The following ABCD3 variants were observed in gnomAD, a reference collection of about 807,000 sequenced individuals.
ABCD3 encodes the protein ATP-binding cassette sub-family D member 3.
In ABCD3, 41 loss-of-function variants were observed where a neutral mutation model predicts 105.5. The ratio of observed to expected loss-of-function variants is 0.39; its 90% CI spans 0.30 to 0.50. ABCD3 has a LOEUF of 0.50. Ranked by LOEUF, ABCD3 falls within the 20% of genes least tolerant of loss-of-function variation. The pLI is 0.84. For synonymous variants in ABCD3, 258 were observed against 269.0 expected (o/e 0.96, Z 0.40); for missense variants, 622 against 806.3 (o/e 0.77, Z 2.77).
At chr1:94,442,444 A>G (rs1660167975) in intron 1 of ABCD3, among the ~76,000 whole-genome samples, 1 of 152,204 alleles carries the variant, frequency 6.6e-6, no homozygotes, top group East Asian at 1.9e-4. Flanking sequence ...TTGGTATTAT[A>G]TATAATTTTT....
At chr1:94,507,756 G>T (rs1454539288) in intron 21 of ABCD3, among the ~76,000 whole-genome samples, 16 of 150,656 alleles carry the variant, frequency 1.1e-4, no homozygotes, top group African/African-American at 3.9e-4. Context: ...GGTGAGCATT[G>T]TTTCATGTGT....
At chr1:94,478,197 G>T in intron 7 of ABCD3, 62 bp from the exon 8 acceptor site, 1 of 977,046 alleles carries the variant, frequency 1.0e-6, no homozygotes, top group Non-Finnish European at 1.6e-6. Flanking sequence ...TTAACATGTT[G>T]TATTAGCTAT....
Position 94,480,599 on chromosome 1 carries a change from A to G in ABCD3, c.820A>G (p.Thr274Ala), listed in dbSNP as rs1023363689. The G allele has an allele frequency of 1.2e-6, 2 of 1,613,734 alleles. No individual in the cohort carries two copies. The highest frequency in any genetic ancestry group is 1.7e-6 in the Non-Finnish European group (2 of 1,179,714). ...TAGATATGTTAATTCTCGGCTCATC[A>G]CAAACAGGTAAAGACAAATGCATTA... ...EYRYVNSRLI[T>A]NSEEIAFYNG... Residue 274 changes from threonine to alanine, a missense_variant, in exon 9 of 23, where the codon ACA becomes GCA. By Grantham distance (58) the Thr-to-Ala change is moderately conservative. This residue lies in a region of ABCD3 where 245 missense variants were observed against 356.4 expected (regional missense o/e 0.69). Transcript: ENST00000370214.
At chr1:94,418,891 G>T in intron 1 of ABCD3, 1 of 492,918 alleles carries the variant, frequency 2.0e-6, no homozygotes, top group Non-Finnish European at 3.6e-6. Flanking sequence ...GGGTGGGAGG[G>T]GGATGCGGTG....
rs1315481477 is a variant in ABCD3 at position 94,489,894 on chromosome 1, C to G, written c.1250-9C>G. ...AATATGATGCTTTAATACCTATTTTCCATTTAAGGTATTGAAGGAGTACAA... is the reference window on the plus strand; with the variant it reads ...AATATGATGCTTTAATACCTATTTTGCATTTAAGGTATTGAAGGAGTACAA... On this transcript the variant is annotated splice_polypyrimidine_tract_variant and intron_variant, in intron 14 of 22. Transcript: ENST00000370214. The G allele has an allele frequency of 8.7e-6, 14 of 1,611,876 alleles. No individual in the cohort carries two copies. Among genetic ancestry groups the G allele is most frequent in the Non-Finnish European group, 1.1e-5 (13 of 1,178,332 alleles).
At chr1:94,517,015 T>G in intron 22 of ABCD3, 37 bp from the exon 23 acceptor site, 1 of 1,382,224 alleles carries the variant, frequency 7.2e-7, no homozygotes, top group Non-Finnish European at 1.0e-6. Context: ...ATATTCACTC[T>G]TAGTTACTGA....
chr1:94,422,499 A>G (rs1659298060), intron 1 of ABCD3, among the ~76,000 whole-genome samples: 1 of 152,190 alleles, frequency 6.6e-6, no homozygotes, highest in Non-Finnish European at 1.5e-5. Context: ...AAGGTTGGAG[A>G]CTACTGCTCT....
chr1:94,493,888 G>T (rs1029080537), intron 16 of ABCD3, among the ~76,000 whole-genome samples: 2 of 151,900 alleles, frequency 1.3e-5, no homozygotes, highest in Admixed American at 6.6e-5. Context: ...GGTGGGAATT[G>T]AACAATGAGA....
intron 6 of ABCD3, 76 bp from the exon 7 acceptor site, chr1:94,475,538 G>A: frequency 1.4e-6 from 2 of 1,461,696 alleles, no homozygotes; most frequent in Non-Finnish European, 1.9e-6. Flanking sequence ...GCTAGGTGGT[G>A]TAATATGATT....
chr1:94,460,512 C>T (rs531875155), intron 2 of ABCD3, among the ~76,000 whole-genome samples: 1 of 152,240 alleles, frequency 6.6e-6, no homozygotes, highest in East Asian at 1.9e-4. Flanking sequence ...TATTAATTCA[C>T]TTAGTAAGTC....
At chr1:94,431,148 A>C (rs541241387) in intron 1 of ABCD3, among the ~76,000 whole-genome samples, 1 of 152,340 alleles carries the variant, frequency 6.6e-6, no homozygotes, top group East Asian at 1.9e-4. Context: ...ATGAAAGTCA[A>C]ACTTCTGACT....
intron 20 of ABCD3, among the ~76,000 whole-genome samples, chr1:94,499,990 ATTC>A (rs1650013593): frequency 6.6e-6 from 1 of 152,250 alleles, no homozygotes; most frequent in South Asian, 2.1e-4. Flanking sequence ...CACTCAGGCT[ATTC>A]TTTCTGAAAT....
At chr1:94,393,874 G>A in the ABCD3 span, among the ~76,000 whole-genome samples, 6 of 152,130 alleles carry the variant, frequency 3.9e-5, no homozygotes, top group African/African-American at 1.2e-4. Context: ...CATGTGGCAG[G>A]GAAATTTGCC....
the ABCD3 span, among the ~76,000 whole-genome samples, chr1:94,406,167 TAA>T: frequency 0.029 from 4,294 of 146,228 alleles, 97 homozygotes; most frequent in South Asian, 0.12. Flanking sequence ...CACCATTTAT[TAA>T]AAAAAAAAAC....
Position 94,483,261 on chromosome 1 carries a change from T to G in ABCD3, c.897+22T>G, listed in dbSNP as rs762922570. The G allele has an allele frequency of 5.0e-6, 8 of 1,595,668 alleles. No individual in the cohort carries two copies. The South Asian group carries it at 8.8e-5, about 18-fold the overall frequency. On this transcript the variant is annotated intron_variant, in intron 10 of 22. Coordinates refer to ENST00000370214, the MANE Select transcript of ABCD3 (RefSeq NM_002858.4). ...ACTGGTAAGATAACACACTTGAGGT[T>G]CATGTGTTTATGGAAAGGGTTTTTT...
the ABCD3 span, among the ~76,000 whole-genome samples, chr1:94,395,363 C>T: frequency 6.6e-6 from 1 of 152,116 alleles, no homozygotes; most frequent in Non-Finnish European, 1.5e-5. Context: ...GGGAACTCCT[C>T]AACAGCAGGA....
intron 7 of ABCD3, among the ~76,000 whole-genome samples, chr1:94,477,876 A>C (rs1247298197): frequency 6.6e-6 from 1 of 152,226 alleles, no homozygotes; most frequent in African/African-American, 2.4e-5. Flanking sequence ...TGTAGAAACA[A>C]ACTGGTAGCA....
chr1:94,391,361 T>A, the ABCD3 span, among the ~76,000 whole-genome samples: 1 of 152,194 alleles, frequency 6.6e-6, no homozygotes, highest in East Asian at 1.9e-4. Flanking sequence ...TGACTCTCTG[T>A]CGCCCTCGTC....
chr1:94,512,627 C>T (rs1315218900), intron 21 of ABCD3, among the ~76,000 whole-genome samples: 2 of 151,704 alleles, frequency 1.3e-5, no homozygotes, highest in African/African-American at 4.8e-5. Context: ...TTTAATTTAT[C>T]CGTTTTATTT....
Sources: gnomAD v4.1 joint callset for allele counts (sites outside exome capture counted in the v4.1 genomes callset) on GRCh38, gnomAD v4.1.1 for gene constraint, gnomAD v4.1.1 regional missense constraint, MANE v1.5 for transcripts, NCBI Gene and HGNC (gene_info 2026-07-23, HGNC 2026-07-21) for gene names.